EIF4G2: variants seen among roughly 807,000 people sequenced by gnomAD.
EIF4G2 encodes eukaryotic translation initiation factor 4 gamma 2.
In EIF4G2, 8 loss-of-function variants were observed where a neutral mutation model predicts 117.7. The ratio of observed to expected loss-of-function variants is 0.07; its 90% CI spans 0.04 to 0.12. EIF4G2 has a LOEUF of 0.12. Among genes scored for constraint, EIF4G2 ranks in the 10% least tolerant of loss-of-function variants. The pLI is 1.00. For synonymous variants in EIF4G2, 413 were observed against 367.8 expected (o/e 1.12, Z -1.41); for missense variants, 812 against 1,086.2 (o/e 0.75, Z 3.55).
chr11:10,803,073 T>C lies in EIF4G2; in HGVS notation c.953A>G (p.Asn318Ser), dbSNP rs766928009. 5 of 1,611,182 alleles carry C rather than the reference T, an allele frequency of 3.1e-6. No individual in the cohort carries two copies. The highest frequency in any genetic ancestry group is 4.2e-6 in the Non-Finnish European group (5 of 1,178,762). ...AATTTGATTGATCGTCTTTGGTCCA[T>C]TGTCAAGAAAAGCCTTGCGAGGAAC... Residue 318 changes from asparagine (N) to serine (S), a missense_variant, in exon 11 of 22, where the codon AAT becomes AGT. By Grantham distance (46) the Asn-to-Ser change is conservative. Transcript: ENST00000339995. This position sits in a 1 kb window ranked among gnomAD's most constrained non-coding sequence, Gnocchi z 4.0.
Position 10,799,659 on chromosome 11 carries a change from C to T in EIF4G2, c.2217G>A (p.Lys739=). The stretch of plus-strand genomic sequence containing the variant: ...GAGGGGATGGATCCAACTTTATTTG[C>T]TTCAACAGTTCCTTCTCCAATTTGA... The change falls in exon 19 of 22, where the codon AAG becomes AAA. Residue 739 remains lysine (K), a synonymous_variant. Transcript: ENST00000339995. 1.2e-6 allele frequency: 2 copies of T among 1,614,140 alleles called. No homozygotes were observed. Among genetic ancestry groups the T allele is most frequent in the Non-Finnish European group, 1.7e-6 (2 of 1,180,014 alleles).
In EIF4G2 at chr11:10,804,308, T is replaced by G; in HGVS notation, c.462A>C (p.Gln154His). The G allele has an allele frequency of 5.0e-6, 8 of 1,614,144 alleles. No homozygotes were observed. The highest frequency in any genetic ancestry group is 6.8e-6 in the Non-Finnish European group (8 of 1,179,996). ...TTACGGTGCTTTGCTTCTGTCCTGG[T>G]TGACCCTCTGCTGCTGGGCCATCAA... Residue 154 changes from glutamine to histidine, a missense_variant, in exon 6 of 22, where the codon CAA becomes CAC. Gln to His is a conservative substitution (Grantham distance 24, BLOSUM62 0). Around this residue, in one of 4 missense-constraint regions of EIF4G2, gnomAD observed 154 missense variants for 322.1 expected, o/e 0.48. Transcript: ENST00000339995.
In EIF4G2 at chr11:10,803,304, G is replaced by A. The variant is rs746335613; in HGVS notation, c.814-10C>T. On this transcript the variant is annotated splice_polypyrimidine_tract_variant and intron_variant, in intron 9 of 21. Transcript: ENST00000339995. This position sits in a 1 kb window ranked among gnomAD's most constrained non-coding sequence, Gnocchi z 4.0. The stretch of plus-strand genomic sequence containing the variant: ...ACTGATCCATTAAGGACTGATAAGA[G>A]AAGAATACATTCATTGGAAGAGCTA... 3.1e-6 allele frequency: 5 copies of A among 1,611,656 alleles called. No individual in the cohort carries two copies. Among genetic ancestry groups the A allele is most frequent in the South Asian group, 1.1e-5 (1 of 90,350 alleles).
chr11:10,797,807 G>A lies in EIF4G2; in HGVS notation c.*9C>T. The A allele has an allele frequency of 6.2e-7, 1 of 1,613,830 alleles. No homozygotes were observed. Among genetic ancestry groups the A allele is most frequent in the Non-Finnish European group, 8.5e-7 (1 of 1,179,902 alleles). ...ATGTTTTGCACAATTTAAGGCTTTG[G>A]CTGGTTCTTTAGTCAGCTTCTTCCT... is the stretch of plus-strand genomic sequence containing the variant. On this transcript the variant is annotated 3_prime_UTR_variant, in exon 22 of 22. Transcript: ENST00000339995. The surrounding 1 kb of genome is among the most constrained non-coding windows in gnomAD (Gnocchi z 4.5).
chr11:10,799,261 C>A lies in EIF4G2; in HGVS notation c.2488G>T (p.Ala830Ser). The A allele has an allele frequency of 6.2e-7, 1 of 1,614,150 alleles. No individual in the cohort carries two copies. Among genetic ancestry groups the A allele is most frequent in the South Asian group, 1.1e-5 (1 of 91,082 alleles). ...CAGTGCACCTGGAGAGCATACAGGG[C>A]ACTGACTTGTAGATCAACGTGATCA... The change falls in exon 20 of 22, where the codon GCC (alanine) becomes TCC (serine). Residue 830 changes from alanine to serine, a missense_variant. Ala to Ser is a moderately conservative substitution (Grantham distance 99). Transcript: ENST00000339995.
chr11:10,808,244 G>A lies in EIF4G2; in HGVS notation c.-87+461C>T, dbSNP rs151114783. ...CACTCTCTCTTTCCTCCCCGACGAAGGGCAGCCCCTGCCGACTCCAGGTCC... is the reference window on the plus strand; with the variant it reads ...CACTCTCTCTTTCCTCCCCGACGAAAGGCAGCCCCTGCCGACTCCAGGTCC... On this transcript the variant is annotated intron_variant, in intron 1 of 21. Transcript: ENST00000339995. 4.1e-4 allele frequency: 476 copies of A among 1,162,034 alleles called. 6 individuals carry two copies. The East Asian group carries it at 0.012, about 29-fold the overall frequency. The allele number at this position is 1,162,034 out of a possible 1,614,324, so 72.0% of individuals were successfully genotyped here. A position where few individuals can be genotyped will look rare whatever the true frequency, so the allele number is the denominator to read the frequency against.
rs760466102 is a variant in EIF4G2, at chr11:10,803,451, T to G, written c.813+29A>C. ...TAGCTTGATTTAAAGACAAACTACT[T>G]GTACTACTTTCATCAGCTACACACG... On this transcript the variant is annotated intron_variant, in intron 9 of 21. Transcript: ENST00000339995. This position sits in a 1 kb window ranked among gnomAD's most constrained non-coding sequence, Gnocchi z 4.0. 5 of 1,596,490 alleles carry G rather than the reference T, an allele frequency of 3.1e-6. No individual in the cohort carries two copies. The highest frequency in any genetic ancestry group is 8.6e-7 in the Non-Finnish European group (1 of 1,164,710).
Position 10,806,046 on chromosome 11 carries a change from C to T in EIF4G2, c.109G>A (p.Glu37Lys). The change falls in exon 4 of 22, where the codon GAG (glutamate) becomes AAG (lysine). Residue 37 changes from glutamate (E) to lysine (K), a missense_variant and splice_region_variant. Physicochemically the swap from Glu to Lys is moderately conservative, Grantham distance 56 (BLOSUM62 1). This residue lies in a region of EIF4G2 where 79 missense variants were observed against 91.5 expected (regional missense o/e 0.86). Transcript: ENST00000339995. ...TGCCCTGGGGTTTTCCCCAGGAACT[C>T]GCTGATTAATAAAAATCAGCAAAAA... The T allele has an allele frequency of 4.3e-6, 7 of 1,614,174 alleles. No individual in the cohort carries two copies. Among genetic ancestry groups the T allele is most frequent in the East Asian group, 2.2e-5 (1 of 44,890 alleles).
At position 10,797,939 on chromosome 11, in the gene EIF4G2, A is replaced by C; in HGVS notation, c.2659-58T>G. 1 of 1,564,278 alleles carries C rather than the reference A, an allele frequency of 6.4e-7. No homozygotes were observed. The highest frequency in any genetic ancestry group is 8.8e-7 in the Non-Finnish European group (1 of 1,140,810). On this transcript the variant is annotated intron_variant, in intron 21 of 21. Transcript: ENST00000339995. This position sits in a 1 kb window ranked among gnomAD's most constrained non-coding sequence, Gnocchi z 4.5. ...CATGATATAAACAGAAATCCATCCA[A>C]AAAGTTTTAGGTGGTACTACACAGT...
At chr11:10,808,380 G>A (rs1436090140) in intron 1 of EIF4G2, 3 of 1,233,614 alleles carry the variant, frequency 2.4e-6, no homozygotes, top group Non-Finnish European at 3.1e-6. Flanking sequence ...CACGGCGCTA[G>A]CGGTCCGAGC....
chr11:10,806,983 G>C, intron 2 of EIF4G2, 98 bp from the exon 3 acceptor site: 2 of 1,420,260 alleles, frequency 1.4e-6, no homozygotes, highest in Non-Finnish European at 9.8e-7. Flanking sequence ...GTAGAGATGG[G>C]GGTCTCGCTA....
In EIF4G2 at chr11:10,807,007, G is replaced by T. The variant is rs955211102; in HGVS notation, c.42-122C>A. The T allele has an allele frequency of 1.2e-5, 15 of 1,259,378 alleles. No homozygotes were observed. In the African/African-American group the frequency reaches 1.3e-4, roughly 11 times the overall value. 78.0% of individuals were successfully genotyped at this position (1,259,378 alleles called of 1,614,324 possible). Reference sequence around the variant, plus strand: ...GGGGTCTCGCTATTTTGCCCAGACTGGAGCCAGGCCTGTATTTTAGTGCTT... The same window carrying T: ...GGGGTCTCGCTATTTTGCCCAGACTTGAGCCAGGCCTGTATTTTAGTGCTT... On this transcript the variant is annotated intron_variant, in intron 2 of 21. Coordinates refer to ENST00000339995, the MANE Select transcript of EIF4G2 (RefSeq NM_001418.4).
chr11:10,801,731 G>A lies in EIF4G2; in HGVS notation c.1343C>T (p.Ser448Phe). The A allele has an allele frequency of 6.2e-7, 1 of 1,614,146 alleles. No individual in the cohort carries two copies. ...ATCCTTCGACTGTCCTTGCAGCTGG[G>A]ATAAGAGTCCCTGACTCTGGTTATG... The change falls in exon 14 of 22, where the codon TCC becomes TTC. Residue 448 changes from serine (S) to phenylalanine (F), a missense_variant. Around this residue, in one of 4 missense-constraint regions of EIF4G2, gnomAD observed 571 missense variants for 642.3 expected, o/e 0.89. Transcript: ENST00000339995.
Position 10,801,783 on chromosome 11 carries a change from G to T in EIF4G2, c.1300-9C>A, listed in dbSNP as rs745580672. The T allele has an allele frequency of 1.2e-6, 2 of 1,610,632 alleles. No homozygotes were observed. The highest frequency in any genetic ancestry group is 1.7e-6 in the Non-Finnish European group (2 of 1,178,660). On this transcript the variant is annotated splice_polypyrimidine_tract_variant and intron_variant, in intron 13 of 21. Transcript: ENST00000339995. ...TAGAGCTGGCTTAGCCCCTATTTCA[G>T]AAAAGGAGAAAGAAAGTCTAGATAA...
chr11:10,804,876 C>T, intron 5 of EIF4G2, 37 bp downstream of exon 5: 1 of 1,539,354 alleles, frequency 6.5e-7, no homozygotes, highest in Non-Finnish European at 9.0e-7. Flanking sequence ...AAACAGTTCC[C>T]TCTCCCTTTT....
chr11:10,801,098 A>G lies in EIF4G2; in HGVS notation c.1414-11T>C. On this transcript the variant is annotated splice_polypyrimidine_tract_variant and intron_variant, in intron 14 of 21. Coordinates refer to ENST00000339995, the MANE Select transcript of EIF4G2 (RefSeq NM_001418.4). ...AGGCCTCAGGCTAATCTGGAATTGA[A>G]AACAAAATATATCTAAATTAACAAC... 1 of 1,613,782 alleles carries G rather than the reference A, an allele frequency of 6.2e-7. No individual in the cohort carries two copies. The highest frequency in any genetic ancestry group is 2.2e-5 in the East Asian group (1 of 44,888).
chr11:10,807,543 A>G (rs1371600212), intron 1 of EIF4G2, 162 bp from the exon 2 acceptor site: 4 of 1,284,746 alleles, frequency 3.1e-6, no homozygotes, highest in Admixed American at 3.8e-5. Flanking sequence ...CATTTTGTTT[A>G]GCCACCTGGA....
At chr11:10,801,410 A>G (rs75128514) in intron 14 of EIF4G2, 26 of 654,690 alleles carry the variant, frequency 4.0e-5, no homozygotes, top group Non-Finnish European at 2.7e-6. Context: ...CCTTACAAAG[A>G]AAGAAACCAC....
intron 3 of EIF4G2, 159 bp from the exon 4 acceptor site, chr11:10,806,206 A>C (rs1172982267): frequency 3.1e-6 from 3 of 961,084 alleles, no homozygotes; most frequent in Non-Finnish European, 4.6e-6. Context: ...AGTGTGCATC[A>C]GAATCACCTG....
Sources: allele counts gnomAD v4.1 joint callset, GRCh38; gene constraint gnomAD v4.1.1; regional missense constraint gnomAD v4.1.1; non-coding constraint Gnocchi (gnomAD v3.1); transcripts MANE v1.5; gene names NCBI Gene and HGNC (gene_info 2026-07-23, HGNC 2026-07-21).